Variants in EFTUD2 observed in about 807,000 individuals in gnomAD.
The protein encoded by EFTUD2 is 116 kDa U5 small nuclear ribonucleoprotein component.
Under a neutral mutation model 114.3 loss-of-function variants are expected in EFTUD2, and 9 were observed. The ratio of observed to expected loss-of-function variants is 0.08; its 90% CI spans 0.05 to 0.14. The LOEUF is 0.14. EFTUD2 is among the 10% of genes least tolerant of loss of function. The probability of loss-of-function intolerance (pLI) is 1.00; values close to 1 mark genes in which losing one functional copy is unlikely to be tolerated. For synonymous variants in EFTUD2, 449 were observed against 462.3 expected (o/e 0.97, Z 0.37); for missense variants, 765 against 1,241.2 (o/e 0.62, Z 5.76).
chr17:44,857,015 A>T lies in EFTUD2; in HGVS notation c.2045+60T>A, dbSNP rs1276731378. 2.8e-6 allele frequency: 4 copies of T among 1,420,568 alleles called. No homozygotes were observed. In the Admixed American group the frequency reaches 6.7e-5, roughly 24 times the overall value. The allele number at this position is 1,420,568 out of a possible 1,614,324, so 88.0% of individuals were successfully genotyped here. A position where few individuals can be genotyped will look rare whatever the true frequency, so the allele number is the denominator to read the frequency against. ...CTCATGGTGGGGGTAGAGGTGGAAG[A>T]TAAAGGAGAGAGAGTGTCCAGGAGG... On this transcript the variant is annotated intron_variant, in intron 20 of 27. Coordinates refer to ENST00000426333, the MANE Select transcript of EFTUD2 (RefSeq NM_004247.4).
intron 26 of EFTUD2, among the ~76,000 whole-genome samples, chr17:44,852,066 C>T (rs867971039): frequency 6.6e-6 from 1 of 151,816 alleles, no homozygotes; most frequent in Non-Finnish European, 1.5e-5. Context: ...TACAGGCATG[C>T]ACCACCACGC....
chr17:44,859,449 T>C, intron 18 of EFTUD2: 1 of 546,386 alleles, frequency 1.8e-6, no homozygotes. Flanking sequence ...CTCTACCCTA[T>C]ACCCATGGAC....
chr17:44,872,808 A>C (rs1242927079), intron 10 of EFTUD2: 5 of 305,136 alleles, frequency 1.6e-5, no homozygotes, highest in Non-Finnish European at 3.0e-5. Flanking sequence ...AATCTTGGAA[A>C]AGTTAACTGC....
In EFTUD2 at chr17:44,867,790, T is replaced by C. The variant is rs531440181; in HGVS notation, c.1149+17A>G. ...CTTATAAGAGCAGATCTGCCCAGTG[T>C]GACCTGACACACTCACCTGGGCGAG... On this transcript the variant is annotated intron_variant, in intron 13 of 27. Transcript: ENST00000426333. 1 of 1,557,540 alleles carries C rather than the reference T, an allele frequency of 6.4e-7. No individual in the cohort carries two copies. Among genetic ancestry groups the C allele is most frequent in the Non-Finnish European group, 8.7e-7 (1 of 1,149,862 alleles).
At chr17:44,862,422 G>A (rs1013042507) in intron 16 of EFTUD2, among the ~76,000 whole-genome samples, 5 of 152,072 alleles carry the variant, frequency 3.3e-5, no homozygotes, top group African/African-American at 9.7e-5. Flanking sequence ...GAGACAGAGT[G>A]AGACCCTGTC....
chr17:44,872,308 C>T, intron 11 of EFTUD2, 138 bp downstream of exon 11: 1 of 1,180,152 alleles, frequency 8.5e-7, no homozygotes, highest in Non-Finnish European at 1.2e-6. Flanking sequence ...CACAAAGACC[C>T]CCAAATGTGA....
chr17:44,879,680 T>C, intron 8 of EFTUD2, 42 bp from the exon 9 acceptor site: 1 of 1,598,338 alleles, frequency 6.3e-7, no homozygotes, highest in Non-Finnish European at 8.6e-7. Context: ...TGGTGCAGGA[T>C]AAAGCACAAT....
intron 19 of EFTUD2, among the ~76,000 whole-genome samples, chr17:44,858,286 G>A (rs1269104209): frequency 6.6e-6 from 1 of 151,780 alleles, no homozygotes; most frequent in African/African-American, 2.4e-5. Flanking sequence ...CCCATGCTAG[G>A]GTGCAGTGGC....
At chr17:44,883,221 C>T (rs1291887276) in intron 5 of EFTUD2, 63 bp from the exon 6 acceptor site, 4 of 1,498,748 alleles carry the variant, frequency 2.7e-6, no homozygotes, top group African/African-American at 1.4e-5. Context: ...TGCCCTTCCC[C>T]CAGCTCCCAA....
intron 13 of EFTUD2, among the ~76,000 whole-genome samples, chr17:44,865,813 C>T (rs770094348): frequency 1.6e-4 from 24 of 152,042 alleles, no homozygotes; most frequent in Non-Finnish European, 2.8e-4. Flanking sequence ...AAACGTCATG[C>T]TATATTCCCT....
intron 9 of EFTUD2, among the ~76,000 whole-genome samples, chr17:44,879,309 C>G (rs1008765188): frequency 6.6e-6 from 1 of 152,178 alleles, no homozygotes; most frequent in African/African-American, 2.4e-5. Context: ...TGGTCTCGAA[C>G]TCCTGACCTC....
chr17:44,892,629 A>AC (rs2051299867), intron 2 of EFTUD2, among the ~76,000 whole-genome samples: 1 of 145,768 alleles, frequency 6.9e-6, no homozygotes, highest in South Asian at 2.2e-4. Flanking sequence ...ACACTGTAAA[A>AC]CCTTTTTTTT....
At chr17:44,873,628 G>A (rs1166697441) in intron 10 of EFTUD2, among the ~76,000 whole-genome samples, 3 of 152,022 alleles carry the variant, frequency 2.0e-5, no homozygotes, top group Non-Finnish European at 4.4e-5. Context: ...GGGATTCTAG[G>A]TATAAGCCAC....
At chr17:44,860,091 G>C in intron 17 of EFTUD2, 46 bp from the exon 18 acceptor site, 3 of 1,613,888 alleles carry the variant, frequency 1.9e-6, no homozygotes, top group Non-Finnish European at 2.5e-6. Flanking sequence ...GCATGAGCAG[G>C]CACAGAAAGT....
rs1391867729 is a variant in EFTUD2, at chr17:44,852,439, G to T, written c.2685C>A (p.Ala895=). The T allele has an allele frequency of 6.2e-6, 10 of 1,613,956 alleles. No individual in the cohort carries two copies. Among genetic ancestry groups the T allele is most frequent in the South Asian group, 1.1e-5 (1 of 91,080 alleles). ...TDLRTHTQGQ[A]FSLSVFHHWQ... is the part of the protein sequence containing the mutation. Reference sequence around the variant, plus strand: ...AGTGGTGGAAGACAGACAGAGAAAAGGCTTGTCCCTGGGTGTGAGTCCGGA... The same window carrying T: ...AGTGGTGGAAGACAGACAGAGAAAATGCTTGTCCCTGGGTGTGAGTCCGGA... Residue 895 remains alanine (A), a synonymous_variant, in exon 26 of 28, where the codon GCC becomes GCA. Coordinates refer to ENST00000426333, the MANE Select transcript of EFTUD2 (RefSeq NM_004247.4).
chr17:44,855,078 C>A (rs866491557), intron 20 of EFTUD2, 74 bp from the exon 21 acceptor site: 4 of 1,324,454 alleles, frequency 3.0e-6, no homozygotes, highest in East Asian at 2.3e-5. Flanking sequence ...AAAAGGGTAA[C>A]AAGACGGACA....
At chr17:44,860,587 A>G in intron 16 of EFTUD2, 44 bp from the exon 17 acceptor site, 1 of 1,082,612 alleles carries the variant, frequency 9.2e-7, no homozygotes, top group Non-Finnish European at 1.4e-6. Flanking sequence ...TAGGCAGAGC[A>G]TTCCCTAATT....
At chr17:44,880,245 C>T (rs770285566) in intron 8 of EFTUD2, among the ~76,000 whole-genome samples, 3 of 152,206 alleles carry the variant, frequency 2.0e-5, no homozygotes, top group Non-Finnish European at 4.4e-5. Flanking sequence ...CAGGGACTGG[C>T]TCTGACTCAC....
rs2050516727 is a variant in EFTUD2 at position 44,854,752 on chromosome 17, T to G, written c.2133-70A>C. 1 of 1,587,946 alleles carries G rather than the reference T, an allele frequency of 6.3e-7. No homozygotes were observed. The highest frequency in any genetic ancestry group is 1.3e-5 in the African/African-American group (1 of 74,474). On this transcript the variant is annotated intron_variant, in intron 21 of 27. Coordinates refer to ENST00000426333, the MANE Select transcript of EFTUD2 (RefSeq NM_004247.4). This position sits in a 1 kb window ranked among gnomAD's most constrained non-coding sequence, Gnocchi z 4.3. ...TTGCTGGTCCTGGAGCCACAGACCC[T>G]CCCTTCCTGGAAGACAGTCACTTCA...
Sources: gnomAD v4.1 joint callset for allele counts (sites outside exome capture counted in the v4.1 genomes callset) on GRCh38, gnomAD v4.1.1 for gene constraint, Gnocchi (gnomAD v3.1) non-coding constraint, MANE v1.5 for transcripts, NCBI Gene and HGNC (gene_info 2026-07-23, HGNC 2026-07-21) for gene names.